PACS1: variants seen among roughly 807,000 people sequenced by gnomAD.
PACS1 encodes PACS-1.
A neutral mutation model predicts 115.0 loss-of-function variants in PACS1; 24 were observed. That is an observed-to-expected ratio of 0.21 (90% CI 0.15 to 0.29). PACS1 has a LOEUF of 0.29. Among genes scored for constraint, PACS1 ranks in the 10% least tolerant of loss-of-function variants. PACS1 has a pLI of 1.00. For missense variants in PACS1, 838 were observed against 1,251.2 expected (o/e 0.67, Z 4.98); for synonymous variants, 453 against 504.5 (o/e 0.90, Z 1.37).
At chr11:66,167,134 C>T (rs190334762) in intron 1 of PACS1, among the ~76,000 whole-genome samples, 3 of 150,294 alleles carry the variant, frequency 2.0e-5, no homozygotes, top group African/African-American at 7.6e-5. Flanking sequence ...TGCATTTCCC[C>T]GATTCCTAAT....
chr11:66,217,498 C>G (rs573374894), intron 7 of PACS1: 22 of 451,870 alleles, frequency 4.9e-5, no homozygotes, highest in African/African-American at 4.2e-4. Context: ...CATCCTGATT[C>G]TCCCCAGTGC....
intron 22 of PACS1, among the ~76,000 whole-genome samples, chr11:66,242,147 G>A (rs1855828077): frequency 6.6e-6 from 1 of 152,236 alleles, no homozygotes; most frequent in Non-Finnish European, 1.5e-5. Flanking sequence ...AGGAGCTGGA[G>A]GGGAGTTGGA....
At chr11:66,081,656 A>G (rs1277072972) in intron 1 of PACS1, among the ~76,000 whole-genome samples, 1 of 152,134 alleles carries the variant, frequency 6.6e-6, no homozygotes, top group African/African-American at 2.4e-5. Context: ...AGCTTATATG[A>G]ACGGAAGAGA....
chr11:66,070,756 G>T lies in PACS1; in HGVS notation c.270G>T (p.Pro90=). ...VASGSAPPGG[P]GPGRTPAPVQ... ...CGGGCTCCGCGCCTCCCGGTGGCCC[G>T]GGGCCAGGCCGCACCCCCGCCCCGG... The change falls in exon 1 of 24, where the codon CCG becomes CCT. Residue 90 remains proline (P), a synonymous_variant. Transcript: ENST00000320580. This position sits in a 1 kb window ranked among gnomAD's most constrained non-coding sequence, Gnocchi z 5.9. The T allele has an allele frequency of 1.9e-6, 3 of 1,550,616 alleles. No individual in the cohort carries two copies. Among genetic ancestry groups the T allele is most frequent in the East Asian group, 5.1e-5 (2 of 39,460 alleles).
chr11:66,106,381 G>T (rs1434453537), intron 1 of PACS1, among the ~76,000 whole-genome samples: 1 of 152,104 alleles, frequency 6.6e-6, no homozygotes, highest in Non-Finnish European at 1.5e-5. Flanking sequence ...AGACCAACCT[G>T]GCCAACATGG....
chr11:66,232,951 C>G lies in PACS1; in HGVS notation c.1732-9C>G, dbSNP rs376602153. ...CCTGTGTCCCTGCTCTCCTCCCTCC[C>G]TATCCCAGTATGTGGCTGAGCTGCT... is the stretch of plus-strand genomic sequence containing the variant. On this transcript the variant is annotated splice_polypyrimidine_tract_variant and intron_variant, in intron 14 of 23. Transcript: ENST00000320580. The G allele has an allele frequency of 4.4e-6, 7 of 1,604,498 alleles. No individual in the cohort carries two copies. Among genetic ancestry groups the G allele is most frequent in the Non-Finnish European group, 6.0e-6 (7 of 1,172,456 alleles).
intron 1 of PACS1, among the ~76,000 whole-genome samples, chr11:66,191,260 C>T (rs1321061539): frequency 1.3e-5 from 2 of 152,168 alleles, no homozygotes; most frequent in East Asian, 3.8e-4. Flanking sequence ...CTCCCTGGCC[C>T]CCTCTTTTAA....
At chr11:66,140,605 G>C (rs1858957054) in intron 1 of PACS1, among the ~76,000 whole-genome samples, 1 of 152,120 alleles carries the variant, frequency 6.6e-6, no homozygotes, top group Non-Finnish European at 1.5e-5. Context: ...AAAAGATATA[G>C]AAGGAGATAC....
chr11:66,123,635 C>T (rs1272554376), intron 1 of PACS1, among the ~76,000 whole-genome samples: 1 of 151,546 alleles, frequency 6.6e-6, no homozygotes, highest in East Asian at 1.9e-4. Flanking sequence ...CATTCTCCTG[C>T]CTCAGCCTCC....
intron 1 of PACS1, among the ~76,000 whole-genome samples, chr11:66,147,266 T>C (rs1296744750): frequency 6.6e-6 from 1 of 152,110 alleles, no homozygotes; most frequent in Non-Finnish European, 1.5e-5. Context: ...AAAAGTATTC[T>C]TCAAAAATGA....
chr11:66,074,033 T>C (rs894279942), intron 1 of PACS1, among the ~76,000 whole-genome samples: 2 of 151,636 alleles, frequency 1.3e-5, no homozygotes, highest in Non-Finnish European at 2.9e-5. Flanking sequence ...AGTGCTGAGA[T>C]TACAGGTGTG....
At chr11:66,091,247 T>G (rs1857654132) in intron 1 of PACS1, among the ~76,000 whole-genome samples, 1 of 152,144 alleles carries the variant, frequency 6.6e-6, no homozygotes, top group Non-Finnish European at 1.5e-5. Context: ...TTAAAGTGAT[T>G]CTCAGGCCTC....
chr11:66,114,143 G>A (rs1401677734), intron 1 of PACS1, among the ~76,000 whole-genome samples: 1 of 152,080 alleles, frequency 6.6e-6, no homozygotes, highest in African/African-American at 2.4e-5. Context: ...TGGGGGCTGG[G>A]TGCGGTGTCT....
chr11:66,180,226 T>C (rs1055158343), intron 1 of PACS1, among the ~76,000 whole-genome samples: 2 of 152,178 alleles, frequency 1.3e-5, no homozygotes, highest in African/African-American at 4.8e-5. Flanking sequence ...TGAGAAACTT[T>C]GTCTCAAAAA....
intron 1 of PACS1, among the ~76,000 whole-genome samples, chr11:66,129,562 G>T (rs1447981443): frequency 6.6e-6 from 1 of 151,574 alleles, no homozygotes; most frequent in Non-Finnish European, 1.5e-5. Context: ...TCCACCCTCA[G>T]CCTCCCAAAG....
intron 1 of PACS1, among the ~76,000 whole-genome samples, chr11:66,152,975 C>A (rs959994812): frequency 1.3e-5 from 2 of 152,166 alleles, no homozygotes; most frequent in African/African-American, 4.8e-5. Context: ...AGCAGACTTC[C>A]ACTAAAAGAA....
intron 2 of PACS1, 131 bp from the exon 3 acceptor site, chr11:66,210,231 C>T (rs1590820992): frequency 1.0e-5 from 7 of 669,870 alleles, no homozygotes; most frequent in Non-Finnish European, 1.3e-5. Context: ...ACAGGAGTCT[C>T]ACTATGTTGC....
At chr11:66,239,121 T>C (rs1333358467) in intron 20 of PACS1, 21 bp from the exon 21 acceptor site, 1 of 1,614,012 alleles carries the variant, frequency 6.2e-7, no homozygotes, top group South Asian at 1.1e-5. Context: ...CCAACTGTGT[T>C]TGTCGTTTGT....
At chr11:66,079,592 A>G (rs1590729744) in intron 1 of PACS1, among the ~76,000 whole-genome samples, 1 of 152,234 alleles carries the variant, frequency 6.6e-6, no homozygotes, top group Non-Finnish European at 1.5e-5. Flanking sequence ...GTGGCAGTTC[A>G]GAGTGATATT....
Sources: gnomAD v4.1 joint callset for allele counts (sites outside exome capture counted in the v4.1 genomes callset) on GRCh38, gnomAD v4.1.1 for gene constraint, Gnocchi (gnomAD v3.1) non-coding constraint, MANE v1.5 for transcripts, NCBI Gene and HGNC (gene_info 2026-07-23, HGNC 2026-07-21) for gene names.